The following ROBO1 variants were observed in gnomAD, a reference collection of about 807,000 sequenced individuals.
ROBO1 encodes the protein roundabout homolog 1.
ROBO1 carries 149 observed loss-of-function variants against 195.9 expected under a neutral mutation model. The observed-to-expected ratio is 0.76, with a 90% CI of 0.67 to 0.87. ROBO1 has a LOEUF of 0.87. ROBO1 is among the 40% of genes least tolerant of loss of function. The pLI is 0.00. For synonymous variants in ROBO1, 816 were observed against 733.2 expected (o/e 1.11, Z -1.82); for missense variants, 1,933 against 2,068.3 (o/e 0.93, Z 1.27).
chr3:79,607,056 T>G, intron 1 of ROBO1, among the ~76,000 whole-genome samples: 1 of 150,554 alleles, frequency 6.6e-6, no homozygotes, highest in Middle Eastern at 3.4e-3. Context: ...TTAATTTTAT[T>G]ATTGCTTTTC....
chr3:79,608,266 C>T (rs1944551678), intron 1 of ROBO1, among the ~76,000 whole-genome samples: 1 of 151,886 alleles, frequency 6.6e-6, no homozygotes, highest in African/African-American at 2.4e-5. Flanking sequence ...GCTCTTCAGC[C>T]CTTCTCTGAT....
At chr3:79,310,581 G>A (rs1286817170) in intron 2 of ROBO1, among the ~76,000 whole-genome samples, 5 of 152,052 alleles carry the variant, frequency 3.3e-5, no homozygotes, top group Non-Finnish European at 2.9e-5. Flanking sequence ...AAGTAGGGTG[G>A]TTATAGTTAA....
At chr3:79,300,624 G>A (rs1229653044) in intron 2 of ROBO1, among the ~76,000 whole-genome samples, 1 of 152,196 alleles carries the variant, frequency 6.6e-6, no homozygotes, top group Non-Finnish European at 1.5e-5. Flanking sequence ...AGTGGGACTG[G>A]CAGGCAGCTC....
At chr3:78,968,058 C>A (rs1207064211) in intron 3 of ROBO1, among the ~76,000 whole-genome samples, 1 of 151,964 alleles carries the variant, frequency 6.6e-6, no homozygotes, top group Non-Finnish European at 1.5e-5. Flanking sequence ...ATCTTAAACA[C>A]AGTTTATTTT....
At chr3:78,801,122 T>A (rs554935379) in intron 4 of ROBO1, among the ~76,000 whole-genome samples, 1 of 152,152 alleles carries the variant, frequency 6.6e-6, no homozygotes, top group Non-Finnish European at 1.5e-5. Flanking sequence ...CACCTCGGGC[T>A]TAGGGCTCAT....
intron 2 of ROBO1, among the ~76,000 whole-genome samples, chr3:79,581,679 C>G (rs1331788010): frequency 1.3e-5 from 2 of 152,074 alleles, no homozygotes; most frequent in African/African-American, 4.8e-5. Context: ...CTTGCCACTT[C>G]TACTGACAGA....
At position 78,803,689 on chromosome 3, in the gene ROBO1, G is replaced by C. The variant is rs571086968; in HGVS notation, c.500-56789C>G. On this transcript the variant is annotated intron_variant, in intron 4 of 30. Transcript: ENST00000464233. ...ACTTTTTTCCTGTAAGCTAAGAAAG[G>C]AGGGCAATTGACAGGATAAAGAATG... 2.0e-5 allele frequency among the ~76,000 whole-genome samples: 3 copies of C among 152,042 alleles called. No individual in the cohort carries two copies. The South Asian group carries it at 6.2e-4, about 32-fold the overall frequency.
At chr3:79,349,452 A>T (rs1365518658) in intron 2 of ROBO1, among the ~76,000 whole-genome samples, 2 of 152,214 alleles carry the variant, frequency 1.3e-5, no homozygotes, top group African/African-American at 4.8e-5. Flanking sequence ...GAAATTGATG[A>T]GCTAATTTAA....
intron 3 of ROBO1, among the ~76,000 whole-genome samples, chr3:79,107,953 G>A (rs2079815686): frequency 1.3e-5 from 2 of 151,670 alleles, no homozygotes; most frequent in South Asian, 2.1e-4. Context: ...TATAAGCAAT[G>A]TAACTTATTC....
intron 2 of ROBO1, among the ~76,000 whole-genome samples, chr3:79,143,226 T>G (rs981363914): frequency 2.6e-5 from 4 of 152,068 alleles, no homozygotes; most frequent in Non-Finnish European, 5.9e-5. Context: ...AATATGATTC[T>G]AAAAATAACC....
intron 3 of ROBO1, among the ~76,000 whole-genome samples, chr3:78,965,115 T>C (rs1005508123): frequency 5.9e-5 from 9 of 152,032 alleles, no homozygotes; most frequent in Admixed American, 3.9e-4. Context: ...TTCTTTCTCA[T>C]AAACATAGAG....
chr3:79,529,241 C>G, intron 2 of ROBO1, among the ~76,000 whole-genome samples: 1 of 152,134 alleles, frequency 6.6e-6, no homozygotes, highest in Admixed American at 6.6e-5. Flanking sequence ...CCAGCATTTT[C>G]TGAGGCTGAG....
chr3:79,305,738 T>C (rs1375785700), intron 2 of ROBO1, among the ~76,000 whole-genome samples: 1 of 152,070 alleles, frequency 6.6e-6, no homozygotes, highest in Non-Finnish European at 1.5e-5. Flanking sequence ...TTGCCCAAAA[T>C]TTCGGTAGTA....
chr3:78,937,420 TG>T (rs1576428965), intron 4 of ROBO1, among the ~76,000 whole-genome samples: 1 of 151,974 alleles, frequency 6.6e-6, no homozygotes, highest in African/African-American at 2.4e-5. Context: ...AATATATACA[TG>T]GTTATTTATA....
chr3:79,752,352 G>T (rs1312459877), intron 1 of ROBO1, among the ~76,000 whole-genome samples: 2 of 152,088 alleles, frequency 1.3e-5, no homozygotes, highest in African/African-American at 4.8e-5. Context: ...TATGTTTAAA[G>T]CACTCTGGTA....
chr3:79,021,423 C>A (rs1459607377), intron 3 of ROBO1, among the ~76,000 whole-genome samples: 9 of 152,092 alleles, frequency 5.9e-5, no homozygotes, highest in Non-Finnish European at 1.0e-4. Context: ...AGATGTCAAA[C>A]TTTCACTTAG....
intron 8 of ROBO1, among the ~76,000 whole-genome samples, chr3:78,696,866 G>A (rs2081309167): frequency 6.6e-6 from 1 of 151,592 alleles, no homozygotes; most frequent in South Asian, 2.1e-4. Flanking sequence ...CAGACTTAAT[G>A]CTGGTTGAAA....
rs117151078 is a variant in ROBO1, at chr3:78,806,217, T to A, written c.500-59317A>T. On this transcript the variant is annotated intron_variant, in intron 4 of 30. Transcript: ENST00000464233. ...TTAAATTCCTGGCCTTCAGTGATTC[T>A]CCCCCTTGAGCCTCCCACAGTGCTG... is the stretch of plus-strand genomic sequence containing the variant. Among the ~76,000 whole-genome samples, 12 of 152,190 alleles carry A rather than the reference T, an allele frequency of 7.9e-5. No individual in the cohort carries two copies. In the East Asian group the frequency reaches 2.3e-3, roughly 29 times the overall value.
chr3:78,814,188 GGAAA>G (rs1267530211), intron 4 of ROBO1, among the ~76,000 whole-genome samples: 7 of 151,686 alleles, frequency 4.6e-5, no homozygotes, highest in East Asian at 1.9e-4. Flanking sequence ...TTGATTCTGA[GGAAA>G]GAAATTATTT....
Sources: allele counts gnomAD v4.1 joint callset (sites outside exome capture counted in the v4.1 genomes callset), GRCh38; gene constraint gnomAD v4.1.1; transcripts MANE v1.5; gene names NCBI Gene and HGNC (gene_info 2026-07-23, HGNC 2026-07-21).